SLC24A2: variants seen among roughly 807,000 people sequenced by gnomAD.
SLC24A2 encodes the protein solute carrier family 24 member 2.
Under a neutral mutation model 62.0 loss-of-function variants are expected in SLC24A2, and 36 were observed. That is an observed-to-expected ratio of 0.58 (90% confidence interval 0.44 to 0.77). The LOEUF (loss-of-function observed/expected upper bound fraction) is 0.77, where lower values mean the gene tolerates loss of function less well. Ranked by LOEUF, SLC24A2 falls within the 30% of genes least tolerant of loss-of-function variation. The pLI, the probability that SLC24A2 is intolerant of heterozygous loss-of-function variation, is 0.00. For synonymous variants in SLC24A2, 358 were observed against 294.0 expected (o/e 1.22, Z -2.23); for missense variants, 846 against 817.9 (o/e 1.03, Z -0.42).
the SLC24A2 span, among the ~76,000 whole-genome samples, chr9:19,831,716 G>C: frequency 6.6e-6 from 1 of 152,254 alleles, no homozygotes; most frequent in Non-Finnish European, 1.5e-5. Flanking sequence ...AAGACTTCTG[G>C]TAGTGAGAAA....
At chr9:19,522,647 C>T (rs1184034667) in intron 9 of SLC24A2, among the ~76,000 whole-genome samples, 3 of 152,164 alleles carry the variant, frequency 2.0e-5, no homozygotes, top group Non-Finnish European at 2.9e-5. Context: ...CACTGCTCCC[C>T]ATTAGTAAGT....
chr9:19,531,640 A>G (rs184143250), intron 8 of SLC24A2, among the ~76,000 whole-genome samples: 19 of 152,176 alleles, frequency 1.2e-4, no homozygotes, highest in Non-Finnish European at 2.4e-4. Context: ...TTCAACAAAT[A>G]TTCACTCAGC....
Position 19,510,666 on chromosome 9 carries a change from G to T in SLC24A2, c.*5487C>A, listed in dbSNP as rs1399798191. The stretch of plus-strand genomic sequence containing the variant: ...TGGTGGAAGCCTAGGCAAACTCCAT[G>T]GCATTCTTTCAGACTTAGATATTTG... On this transcript the variant is annotated 3_prime_UTR_variant, in exon 11 of 11. Transcript: ENST00000341998. 1 of 152,154 alleles carries T rather than the reference G, an allele frequency of 6.6e-6. No homozygotes were observed. Among genetic ancestry groups the T allele is most frequent in the Non-Finnish European group, 1.5e-5 (1 of 68,022 alleles). 9.4% of individuals were successfully genotyped at this position (152,154 alleles called of 1,614,324 possible).
the SLC24A2 span, among the ~76,000 whole-genome samples, chr9:20,183,043 A>G: frequency 6.6e-6 from 1 of 152,214 alleles, no homozygotes; most frequent in African/African-American, 2.4e-5. Flanking sequence ...CATGTTTTAA[A>G]AAGTCTCTTA....
At chr9:20,121,478 T>C in the SLC24A2 span, among the ~76,000 whole-genome samples, 1 of 152,136 alleles carries the variant, frequency 6.6e-6, no homozygotes, top group Non-Finnish European at 1.5e-5. Flanking sequence ...ATTTAACAAA[T>C]AGATTAAAGT....
At chr9:20,069,730 G>A in the SLC24A2 span, among the ~76,000 whole-genome samples, 1 of 152,128 alleles carries the variant, frequency 6.6e-6, no homozygotes, top group African/African-American at 2.4e-5. Flanking sequence ...GCACTATGCT[G>A]TTCGCATTAT....
At chr9:20,157,558 T>A in the SLC24A2 span, among the ~76,000 whole-genome samples, 9 of 151,680 alleles carry the variant, frequency 5.9e-5, no homozygotes, top group Non-Finnish European at 1.0e-4. Flanking sequence ...CAACTACACC[T>A]ATAGGAAAGG....
At chr9:19,851,179 A>T in the SLC24A2 span, among the ~76,000 whole-genome samples, 21 of 149,692 alleles carry the variant, frequency 1.4e-4, no homozygotes, top group African/African-American at 5.2e-4. Context: ...GCCCACCACC[A>T]TGCCAGGCTA....
intron 5 of SLC24A2, 55 bp from the exon 6 acceptor site, chr9:19,577,077 A>G (rs1836038844): frequency 7.1e-7 from 1 of 1,400,440 alleles, no homozygotes; most frequent in Non-Finnish European, 1.0e-6. Context: ...AGAGAGTCTC[A>G]GGGCCAAGCA....
chr9:20,208,719 C>A, the SLC24A2 span, among the ~76,000 whole-genome samples: 2 of 152,168 alleles, frequency 1.3e-5, no homozygotes, highest in African/African-American at 4.8e-5. Flanking sequence ...AGTAGATAGA[C>A]CCCCATCTAG....
the SLC24A2 span, among the ~76,000 whole-genome samples, chr9:19,820,056 C>T: frequency 0.17 from 3,537 of 20,246 alleles, 212 homozygotes; most frequent in African/African-American, 0.19. Flanking sequence ...TATATATATA[C>T]ACATATATAT....
chr9:19,595,577 C>T (rs560370584), intron 5 of SLC24A2, among the ~76,000 whole-genome samples: 60 of 152,218 alleles, frequency 3.9e-4, no homozygotes, highest in African/African-American at 1.1e-3. Flanking sequence ...TTCCAAAGCC[C>T]GGTTGTTATC....
the SLC24A2 span, among the ~76,000 whole-genome samples, chr9:20,241,249 A>G: frequency 6.6e-6 from 1 of 152,222 alleles, no homozygotes; most frequent in African/African-American, 2.4e-5. Flanking sequence ...GACTTATATG[A>G]AAGTTTTAAT....
At chr9:19,516,516 A>C (rs1832938036) in intron 10 of SLC24A2, 114 bp from the exon 11 acceptor site, 1 of 1,315,616 alleles carries the variant, frequency 7.6e-7, no homozygotes, top group African/African-American at 1.5e-5. Context: ...TAAACTGAAA[A>C]GGGTGTCTTG....
At chr9:20,011,696 T>C in the SLC24A2 span, among the ~76,000 whole-genome samples, 1 of 152,128 alleles carries the variant, frequency 6.6e-6, no homozygotes, top group East Asian at 1.9e-4. Flanking sequence ...AACATTTAGG[T>C]ACAGGAAGCT....
At chr9:19,959,120 G>A in the SLC24A2 span, among the ~76,000 whole-genome samples, 1 of 152,228 alleles carries the variant, frequency 6.6e-6, no homozygotes, top group South Asian at 2.1e-4. Flanking sequence ...GGAACAAGAT[G>A]TGAGTACCGT....
At chr9:19,736,827 G>C (rs1490878887) in intron 2 of SLC24A2, among the ~76,000 whole-genome samples, 6 of 152,130 alleles carry the variant, frequency 3.9e-5, no homozygotes, top group Non-Finnish European at 7.4e-5. Context: ...ACTTCAGCCT[G>C]GGTGAAAGAG....
chr9:20,219,186 C>G, the SLC24A2 span, among the ~76,000 whole-genome samples: 1 of 152,188 alleles, frequency 6.6e-6, no homozygotes, highest in African/African-American at 2.4e-5. Flanking sequence ...ACTGTTAACA[C>G]ATGTGGCAGA....
chr9:20,112,624 A>C, the SLC24A2 span, among the ~76,000 whole-genome samples: 1 of 152,156 alleles, frequency 6.6e-6, no homozygotes, highest in Non-Finnish European at 1.5e-5. Context: ...AAGCAATAAT[A>C]ACCCCAGGGT....
Sources: allele counts gnomAD v4.1 joint callset (sites outside exome capture counted in the v4.1 genomes callset), GRCh38; gene constraint gnomAD v4.1.1; transcripts MANE v1.5; gene names NCBI Gene and HGNC (gene_info 2026-07-23, HGNC 2026-07-21).